Variants in SCNN1B observed in about 807,000 individuals in gnomAD.
The protein encoded by SCNN1B is epithelial sodium channel subunit beta.
A neutral mutation model predicts 65.3 loss-of-function variants in SCNN1B; 46 were observed. The observed-to-expected ratio is 0.70, with a 90% CI of 0.56 to 0.90. The LOEUF is 0.90. Among genes scored for constraint, SCNN1B ranks in the 40% least tolerant of loss-of-function variants. The pLI, the probability that SCNN1B is intolerant of heterozygous loss-of-function variation, is 0.00. For missense variants in SCNN1B, 751 were observed against 830.5 expected (o/e 0.90, Z 1.18); for synonymous variants, 349 against 330.6 (o/e 1.06, Z -0.60).
intron 10 of SCNN1B, 98 bp downstream of exon 10, chr16:23,377,484 T>C (rs1962925739): frequency 9.7e-6 from 10 of 1,035,412 alleles, no homozygotes; most frequent in Non-Finnish European, 1.5e-5. Context: ...AGGGGGTGCC[T>C]TTTTCCCTCC....
rs1963039191 is a variant in SCNN1B at position 23,380,932 on chromosome 16, AAC to A, written c.*133_*134del. 2 of 997,574 alleles carry A rather than the reference AAC, an allele frequency of 2.0e-6. No homozygotes were observed. Among genetic ancestry groups the A allele is most frequent in the African/African-American group, 3.2e-5 (2 of 63,308 alleles). The allele number at this position is 997,574 out of a possible 1,614,324, so 61.8% of individuals were successfully genotyped here. A position where few individuals can be genotyped will look rare whatever the true frequency, so the allele number is the denominator to read the frequency against. On this transcript the variant is annotated 3_prime_UTR_variant, in exon 13 of 13. Transcript: ENST00000343070. The surrounding 1 kb of genome is among the most constrained non-coding windows in gnomAD (Gnocchi z 5.4). ...CTCCAGGCCAGAGCTTGTGTCCTTC[AAC>A]AGAGAGGCCAGCGGCAACTGGTCCG...
intron 1 of SCNN1B, among the ~76,000 whole-genome samples, chr16:23,335,459 CT>C (rs34325892): frequency 0.53 from 73,419 of 137,416 alleles, 21,969 homozygotes; most frequent in African/African-American, 0.86. Flanking sequence ...CCTGTATTTT[CT>C]TTTTTTTTTT....
intron 1 of SCNN1B, among the ~76,000 whole-genome samples, chr16:23,313,164 A>C (rs1006127929): frequency 3.3e-4 from 50 of 152,164 alleles, no homozygotes; most frequent in African/African-American, 1.2e-3. Context: ...TGAATGATGG[A>C]TGGATGGATG....
At chr16:23,335,030 T>A (rs1005519636) in intron 1 of SCNN1B, among the ~76,000 whole-genome samples, 2 of 152,222 alleles carry the variant, frequency 1.3e-5, no homozygotes, top group Non-Finnish European at 2.9e-5. Context: ...CTCTTTTCAA[T>A]ATTTTTTTTC....
At chr16:23,294,466 C>T (rs1362575313) in intron 2 of SCNN1B, among the ~76,000 whole-genome samples, 1 of 135,078 alleles carries the variant, frequency 7.4e-6, no homozygotes, top group Non-Finnish European at 1.6e-5. Context: ...TTGTTCCCAT[C>T]CCCCCATCAC....
intron 1 of SCNN1B, among the ~76,000 whole-genome samples, chr16:23,347,237 C>A (rs1962209049): frequency 1.3e-5 from 2 of 152,124 alleles, no homozygotes; most frequent in Admixed American, 6.5e-5. Flanking sequence ...TTGATGGATT[C>A]TTCGCTTAAC....
chr16:23,305,555 TATATATATATATATATATATATTA>T (rs1567290317), intron 1 of SCNN1B, among the ~76,000 whole-genome samples: 3 of 49,566 alleles, frequency 6.1e-5, no homozygotes, highest in Non-Finnish European at 9.5e-5. Context: ...TATATATATA[TATATATATATATATATATATATTA>T]TATATATATA....
At chr16:23,316,155 CCATCACCACCATCATCAT>C (rs1479296956) in intron 1 of SCNN1B, among the ~76,000 whole-genome samples, 8 of 150,552 alleles carry the variant, frequency 5.3e-5, no homozygotes, top group Non-Finnish European at 1.2e-4. Flanking sequence ...ACCATCATCA[CCATCACCACCATCATCAT>C]CATCACCACC....
chr16:23,351,971 C>G (rs1962319142), intron 2 of SCNN1B, among the ~76,000 whole-genome samples: 1 of 152,186 alleles, frequency 6.6e-6, no homozygotes, highest in African/African-American at 2.4e-5. Flanking sequence ...GTGGAGTGAG[C>G]TTGCAAAATC....
intron 10 of SCNN1B, 90 bp downstream of exon 10, chr16:23,377,476 G>A (rs1962925527): frequency 8.0e-7 from 1 of 1,248,228 alleles, no homozygotes; most frequent in Non-Finnish European, 1.2e-6. Context: ...AAATTTGAAG[G>A]GGGTGCCTTT....
At chr16:23,328,771 T>G (rs986155931) in intron 1 of SCNN1B, among the ~76,000 whole-genome samples, 1 of 152,144 alleles carries the variant, frequency 6.6e-6, no homozygotes, top group East Asian at 1.9e-4. Flanking sequence ...TGCTATACCT[T>G]GAGCGTTTAT....
chr16:23,347,417 A>C (rs946733386), intron 1 of SCNN1B, among the ~76,000 whole-genome samples: 1 of 152,170 alleles, frequency 6.6e-6, no homozygotes, highest in Non-Finnish European at 1.5e-5. Context: ...AACATTGTTG[A>C]TATGTTCTTG....
chr16:23,343,656 AAAGG>A (rs201610085), intron 1 of SCNN1B, among the ~76,000 whole-genome samples: 3 of 115,908 alleles, frequency 2.6e-5, no homozygotes, highest in South Asian at 2.9e-4. Context: ...AGAAAAAAAG[AAAGG>A]AAGGAAGGAA....
At position 23,365,483 on chromosome 16, in the gene SCNN1B, AAAG is replaced by A. The variant is rs58306088; in HGVS notation, c.777-2367_777-2365del. ...AAAGAGAAAGAAAAGAGAGAAAGAA[AAAG>A]AAGAAAAGAAAGAAAAAGAAAGAAA... is the stretch of plus-strand genomic sequence containing the variant. On this transcript the variant is annotated intron_variant, in intron 4 of 12. Transcript: ENST00000343070. 1.0e-3 allele frequency among the ~76,000 whole-genome samples: 152 copies of A among 145,656 alleles called. 1 individual carries two copies. In the East Asian group the frequency reaches 0.023, roughly 22 times the overall value.
chr16:23,291,384 TC>T (rs146550145), intron 2 of SCNN1B, among the ~76,000 whole-genome samples: 5,466 of 152,000 alleles, frequency 0.036, 317 homozygotes, highest in African/African-American at 0.13. Context: ...TTATCCCCAT[TC>T]CCTCCCTTTC....
chr16:23,314,976 A>G (rs1179988669), intron 1 of SCNN1B, among the ~76,000 whole-genome samples: 1 of 152,168 alleles, frequency 6.6e-6, no homozygotes, highest in East Asian at 1.9e-4. Context: ...GCCTGGAAAA[A>G]CAAAGCTGGA....
At chr16:23,296,083 T>G (rs906175009) in intron 2 of SCNN1B, among the ~76,000 whole-genome samples, 9 of 152,172 alleles carry the variant, frequency 5.9e-5, no homozygotes, top group Non-Finnish European at 1.3e-4. Flanking sequence ...GAGGCTTTTG[T>G]GGCCAATTGG....
intron 1 of SCNN1B, among the ~76,000 whole-genome samples, chr16:23,321,939 C>T (rs987414361): frequency 6.6e-6 from 1 of 152,040 alleles, no homozygotes; most frequent in African/African-American, 2.4e-5. Context: ...GTGGAAGGAT[C>T]GCTTGAGCCC....
intron 1 of SCNN1B, among the ~76,000 whole-genome samples, chr16:23,325,977 A>G (rs187650251): frequency 6.0e-4 from 92 of 152,234 alleles, no homozygotes; most frequent in African/African-American, 2.1e-3. Flanking sequence ...CGGGAGACTG[A>G]GGTGGGAATA....
Sources: allele counts gnomAD v4.1 joint callset (sites outside exome capture counted in the v4.1 genomes callset), GRCh38; gene constraint gnomAD v4.1.1; non-coding constraint Gnocchi (gnomAD v3.1); transcripts MANE v1.5; gene names NCBI Gene and HGNC (gene_info 2026-07-23, HGNC 2026-07-21).